RIMS2: variants seen among roughly 807,000 people sequenced by gnomAD.
RIMS2 encodes the protein regulating synaptic membrane exocytosis 2, also known as regulating synaptic membrane exocytosis protein 2.
RIMS2 carries 59 observed loss-of-function variants against 174.4 expected under a neutral mutation model. The observed-to-expected ratio is 0.34, with a 90% confidence interval of 0.27 to 0.42. RIMS2 has a LOEUF of 0.42. Ranked by LOEUF, RIMS2 falls within the 10% of genes least tolerant of loss-of-function variation. The pLI, the probability that RIMS2 is intolerant of heterozygous loss-of-function variation, is 1.00. For missense variants in RIMS2, 1,620 were observed against 1,666.3 expected, an observed-to-expected ratio of 0.97 and a Z score of 0.48; for synonymous variants, 606 against 572.5, an observed-to-expected ratio of 1.06 and a Z score of -0.84.
chr8:103,583,283 C>G (rs2093718902), intron 1 of RIMS2, among the ~76,000 whole-genome samples: 1 of 152,148 alleles, frequency 6.6e-6, no homozygotes. Context: ...ATAGTCCCTT[C>G]AAATATCTGG....
chr8:104,143,543 G>T (rs1243669753), intron 19 of RIMS2, among the ~76,000 whole-genome samples: 1 of 152,182 alleles, frequency 6.6e-6, no homozygotes, highest in Non-Finnish European at 1.5e-5. Flanking sequence ...AAGCACAACA[G>T]TAGGAAGAAA....
At chr8:103,625,905 A>G (rs2095770398) in intron 1 of RIMS2, among the ~76,000 whole-genome samples, 1 of 151,640 alleles carries the variant, frequency 6.6e-6, no homozygotes. Flanking sequence ...GTATGTGTGT[A>G]TATATTATAT....
intron 3 of RIMS2, among the ~76,000 whole-genome samples, chr8:103,793,254 C>G (rs1338150822): frequency 6.6e-6 from 1 of 152,188 alleles, no homozygotes; most frequent in Non-Finnish European, 1.5e-5. Context: ...GGCTTCATCC[C>G]TGGGATGGAA....
At chr8:103,951,951 G>A (rs2085498378) in intron 14 of RIMS2, among the ~76,000 whole-genome samples, 1 of 152,312 alleles carries the variant, frequency 6.6e-6, no homozygotes, top group African/African-American at 2.4e-5. Flanking sequence ...CCTTGAGTAG[G>A]CGGTTTCGAC....
At chr8:103,992,274 A>ATTTTTTTTTTTT (rs1186537194) in intron 17 of RIMS2, among the ~76,000 whole-genome samples, 458 of 107,004 alleles carry the variant, frequency 4.3e-3, no homozygotes, top group African/African-American at 6.1e-3. Context: ...ATGTCCAGCT[A>ATTTTTTTTTTTT]TTTTTTTTTT....
intron 19 of RIMS2, among the ~76,000 whole-genome samples, chr8:104,037,121 T>A (rs1381227899): frequency 6.6e-6 from 1 of 152,186 alleles, no homozygotes; most frequent in East Asian, 1.9e-4. Context: ...ACTGTGGAGA[T>A]GTTCTAGTTT....
intron 3 of RIMS2, among the ~76,000 whole-genome samples, chr8:103,789,749 C>CTT (rs11354049): frequency 1.2e-3 from 106 of 85,132 alleles, no homozygotes; most frequent in Non-Finnish European, 1.7e-3. Flanking sequence ...GGATTGTACT[C>CTT]TTTTTTTTTT....
chr8:103,952,696 GCTT>G (rs556054365), intron 14 of RIMS2, among the ~76,000 whole-genome samples: 47 of 152,204 alleles, frequency 3.1e-4, no homozygotes, highest in African/African-American at 1.1e-3. Flanking sequence ...AAACCAGAAC[GCTT>G]CTTCTCCTTC....
chr8:103,573,181 A>G (rs934030376), intron 1 of RIMS2, among the ~76,000 whole-genome samples: 1 of 151,536 alleles, frequency 6.6e-6, no homozygotes, highest in African/African-American at 2.4e-5. Context: ...TCAGCCACCC[A>G]AGTAGCTGGG....
chr8:103,504,913 G>A (rs1164341888), intron 1 of RIMS2, among the ~76,000 whole-genome samples: 1 of 138,896 alleles, frequency 7.2e-6, no homozygotes, highest in Non-Finnish European at 1.5e-5. Context: ...GTGAGATGGC[G>A]AAATAACGGC....
chr8:104,053,658 G>C (rs1489345900), intron 19 of RIMS2, among the ~76,000 whole-genome samples: 1 of 152,112 alleles, frequency 6.6e-6, no homozygotes, highest in Non-Finnish European at 1.5e-5. Flanking sequence ...GTTTAACACT[G>C]TATTCGGTAC....
At chr8:104,112,981 T>C (rs1412565550) in intron 19 of RIMS2, among the ~76,000 whole-genome samples, 1 of 152,200 alleles carries the variant, frequency 6.6e-6, no homozygotes. Context: ...ATCCTTTAAC[T>C]GTTATGAAAT....
Position 103,540,070 on chromosome 8 carries a change from A to G in RIMS2, c.176+39008A>G, listed in dbSNP as rs76414614. Among the ~76,000 whole-genome samples, 240 of 152,294 alleles carry G rather than the reference A, an allele frequency of 1.6e-3. 1 individual carries two copies. Among genetic ancestry groups the G allele is most frequent in the African/African-American group, 5.6e-3 (234 of 41,560 alleles). On this transcript the variant is annotated intron_variant, in intron 1 of 23. Coordinates refer to ENST00000504942, the Ensembl canonical transcript of RIMS2. ...ACAAGCATCATGTACTATTTCCAATATGGCAGTGGGGTTGCCTGTGCCACA... is the reference window on the plus strand; with the variant it reads ...ACAAGCATCATGTACTATTTCCAATGTGGCAGTGGGGTTGCCTGTGCCACA...
chr8:103,694,138 G>C lies in RIMS2; in HGVS notation c.177-2948G>C, dbSNP rs141739692. 4.1e-3 allele frequency among the ~76,000 whole-genome samples: 626 copies of C among 152,318 alleles called. 4 individuals are homozygous for C. Among genetic ancestry groups the C allele is most frequent in the Non-Finnish European group, 6.2e-3 (424 of 68,006 alleles). On this transcript the variant is annotated intron_variant, in intron 1 of 23. Transcript: ENST00000504942. Reference sequence around the variant, plus strand: ...TCTGCTGGAGTGTGGCTTTGTAAGGGCTGGCCTGGAGGGTGGGCCTCAGGG... The same window carrying C: ...TCTGCTGGAGTGTGGCTTTGTAAGGCCTGGCCTGGAGGGTGGGCCTCAGGG...
chr8:103,788,742 C>T (rs1265914236), intron 3 of RIMS2, among the ~76,000 whole-genome samples: 1 of 152,104 alleles, frequency 6.6e-6, no homozygotes, highest in Non-Finnish European at 1.5e-5. Flanking sequence ...GTGCCCTGCC[C>T]CCAGAGGTGG....
chr8:104,101,001 T>TATATTATATATTAC lies in RIMS2; in HGVS notation c.3334+86390_3334+86391insTATATATTACATAT, dbSNP rs1566394832. Among the ~76,000 whole-genome samples, 735 of 138,898 alleles carry TATATTATATATTAC rather than the reference T, an allele frequency of 5.3e-3. 44 individuals carry two copies. The highest frequency in any genetic ancestry group is 0.018 in the African/African-American group (662 of 37,276). The allele number at this position is 138,898 out of a possible 152,430, so 91.1% of individuals were successfully genotyped here. On this transcript the variant is annotated intron_variant, in intron 19 of 23. Transcript: ENST00000504942. ...ATGATATATTATATAGTATATGTTA[T>TATATTATATATTAC]ATATGATATATTACATATGTAATAT... is the stretch of plus-strand genomic sequence containing the variant.
intron 19 of RIMS2, among the ~76,000 whole-genome samples, chr8:104,071,715 C>T (rs370693265): frequency 2.0e-5 from 3 of 152,108 alleles, no homozygotes; most frequent in East Asian, 1.9e-4. Context: ...GGATTACAGG[C>T]ATGAGCCACC....
At chr8:104,218,917 C>T (rs537923180) in intron 19 of RIMS2, among the ~76,000 whole-genome samples, 15 of 152,262 alleles carry the variant, frequency 9.9e-5, no homozygotes, top group Non-Finnish European at 1.6e-4. Context: ...TAACCATGTT[C>T]CTGATGGAAC....
rs1054619497 is a variant in RIMS2, at chr8:103,914,422, A to T, written c.1813-1073A>T. On this transcript the variant is annotated intron_variant, in intron 6 of 23. Coordinates refer to ENST00000504942, the Ensembl canonical transcript of RIMS2. ...TGAATTGTTGTAATATGATTAAATA[A>T]ATCAACATACAAACATTTAGTAAAG... Among the ~76,000 whole-genome samples, 4 of 152,216 alleles carry T rather than the reference A, an allele frequency of 2.6e-5. No individual in the cohort carries two copies. The East Asian group carries it at 7.7e-4, about 29-fold the overall frequency.
Sources: allele counts gnomAD v4.1 joint callset (sites outside exome capture counted in the v4.1 genomes callset), GRCh38; gene constraint gnomAD v4.1.1; transcripts MANE v1.5; gene names NCBI Gene and HGNC (gene_info 2026-07-23, HGNC 2026-07-21).